ALK: variants seen among roughly 807,000 people sequenced by gnomAD.
The protein encoded by ALK is ALK tyrosine kinase receptor.
ALK carries 74 observed loss-of-function variants against 163.1 expected under a neutral mutation model. The observed-to-expected ratio is 0.45, with a 90% confidence interval of 0.38 to 0.55. ALK has a LOEUF of 0.55. ALK is among the 20% of genes least tolerant of loss of function. The pLI, the probability that ALK is intolerant of heterozygous loss-of-function variation, is 0.00. For synonymous variants in ALK, 960 were observed against 843.2 expected (o/e 1.14, Z -2.40); for missense variants, 2,063 against 2,105.3 (o/e 0.98, Z 0.39).
chr2:29,490,887 A>C (rs72794449), intron 4 of ALK, among the ~76,000 whole-genome samples: 10,706 of 152,316 alleles, frequency 0.07, 530 homozygotes, highest in Non-Finnish European at 0.11. Context: ...AGATGTCTGC[A>C]ACAGCTGTCA....
intron 2 of ALK, among the ~76,000 whole-genome samples, chr2:29,711,276 C>T (rs1679094148): frequency 6.6e-6 from 1 of 152,168 alleles, no homozygotes. Flanking sequence ...TTTGCACATG[C>T]ATCCCTTTTG....
At chr2:29,499,547 G>GA (rs1478024113) in intron 4 of ALK, among the ~76,000 whole-genome samples, 1 of 152,020 alleles carries the variant, frequency 6.6e-6, no homozygotes, top group Non-Finnish European at 1.5e-5. Context: ...ACAAATACTC[G>GA]AAGTTCAGAT....
intron 22 of ALK, 181 bp from the exon 23 acceptor site, chr2:29,221,016 G>C (rs953455567): frequency 4.8e-6 from 4 of 830,480 alleles, no homozygotes; most frequent in South Asian, 1.4e-5. Flanking sequence ...TGGTGAGCAG[G>C]TGGGAAGAAC....
intron 13 of ALK, among the ~76,000 whole-genome samples, chr2:29,233,945 G>A (rs556035642): frequency 6.6e-6 from 1 of 152,336 alleles, no homozygotes; most frequent in Non-Finnish European, 1.5e-5. Context: ...ATTGCTGTGA[G>A]GACTGCTTGT....
At chr2:29,817,593 C>G (rs868203819) in intron 1 of ALK, among the ~76,000 whole-genome samples, 1 of 152,136 alleles carries the variant, frequency 6.6e-6, no homozygotes, top group Admixed American at 6.6e-5. Flanking sequence ...CCAAATTCTT[C>G]TCCACTACCA....
At chr2:29,366,937 G>T (rs572847372) in intron 5 of ALK, among the ~76,000 whole-genome samples, 2 of 152,116 alleles carry the variant, frequency 1.3e-5, no homozygotes, top group African/African-American at 4.8e-5. Flanking sequence ...GCTCCTGAAG[G>T]TCCTTTCCAA....
intron 11 of ALK, among the ~76,000 whole-genome samples, chr2:29,253,844 TTA>T (rs1664881875): frequency 7.0e-6 from 1 of 143,490 alleles, no homozygotes; most frequent in African/African-American, 2.8e-5. Context: ...TATATCTATA[TTA>T]GATAGATAGA....
chr2:29,425,712 G>A (rs1670120710), intron 4 of ALK, among the ~76,000 whole-genome samples: 1 of 152,196 alleles, frequency 6.6e-6, no homozygotes, highest in Non-Finnish European at 1.5e-5. Flanking sequence ...TGCCCAGGGA[G>A]AGAAGAAGGC....
At chr2:29,501,071 T>C (rs1672162331) in intron 4 of ALK, among the ~76,000 whole-genome samples, 1 of 152,038 alleles carries the variant, frequency 6.6e-6, no homozygotes, top group African/African-American at 2.4e-5. Context: ...ACACCTCTCT[T>C]CTCTCATCTT....
chr2:29,210,696 A>C (rs894639301), intron 24 of ALK, among the ~76,000 whole-genome samples: 6 of 152,154 alleles, frequency 3.9e-5, no homozygotes, highest in Admixed American at 2.6e-4. Context: ...GGCCTCCCAA[A>C]GTTATTATTA....
intron 1 of ALK, among the ~76,000 whole-genome samples, chr2:29,915,022 T>C (rs193282920): frequency 1.1e-3 from 163 of 152,306 alleles, no homozygotes; most frequent in Non-Finnish European, 2.0e-3. Context: ...TGAACATGCT[T>C]TATAAATTGT....
At chr2:29,691,254 C>T (rs1678387158) in intron 3 of ALK, among the ~76,000 whole-genome samples, 1 of 152,178 alleles carries the variant, frequency 6.6e-6, no homozygotes, top group Non-Finnish European at 1.5e-5. Context: ...GGAGGCTGAC[C>T]TCCTCATTTC....
intron 1 of ALK, among the ~76,000 whole-genome samples, chr2:29,788,954 C>A (rs2148355937): frequency 6.6e-6 from 1 of 151,316 alleles, no homozygotes; most frequent in Non-Finnish European, 1.5e-5. Context: ...TTCCTTCCAC[C>A]ACCAACTTTA....
intron 3 of ALK, among the ~76,000 whole-genome samples, chr2:29,686,492 T>A (rs907360304): frequency 6.6e-6 from 1 of 152,230 alleles, no homozygotes; most frequent in Non-Finnish European, 1.5e-5. Flanking sequence ...TGCCTAAGCC[T>A]TGCCTTAGAG....
chr2:29,809,258 G>C (rs1423863106), intron 1 of ALK, among the ~76,000 whole-genome samples: 2 of 152,230 alleles, frequency 1.3e-5, no homozygotes, highest in Admixed American at 6.5e-5. Context: ...TGTGCCACAT[G>C]TTGTACTTGG....
chr2:29,548,199 C>A (rs1039650332), intron 3 of ALK, among the ~76,000 whole-genome samples: 1 of 152,096 alleles, frequency 6.6e-6, no homozygotes, highest in African/African-American at 2.4e-5. Context: ...CACAGCCGAG[C>A]GCGGTGGCTC....
rs1314893603 is a variant in ALK at position 29,225,492 on chromosome 2, G to T, written c.3141C>A (p.Ala1047=). The T allele has an allele frequency of 2.5e-6, 4 of 1,613,458 alleles. No individual in the cohort carries two copies. The highest frequency in any genetic ancestry group is 3.4e-6 in the Non-Finnish European group (4 of 1,179,958). ...LSVVTSALVA[A]LVLAFSGIMI... is the part of the protein sequence containing the mutation. ...TGATGCCGGAGAAAGCCAGGACCAGGGCGGCCACGAGGGCAGAGGTCACCA... is the reference window on the plus strand; with the variant it reads ...TGATGCCGGAGAAAGCCAGGACCAGTGCGGCCACGAGGGCAGAGGTCACCA... The change falls in exon 19 of 29, where the codon GCC becomes GCA. Residue 1047 remains alanine, a synonymous_variant. Transcript: ENST00000389048.
At chr2:29,312,483 G>A (rs992960193) in intron 8 of ALK, among the ~76,000 whole-genome samples, 1 of 152,102 alleles carries the variant, frequency 6.6e-6, no homozygotes. Flanking sequence ...CTTTTGCACT[G>A]GCCCCACATG....
intron 3 of ALK, among the ~76,000 whole-genome samples, chr2:29,603,155 A>T (rs1675425163): frequency 1.3e-5 from 2 of 152,204 alleles, no homozygotes; most frequent in African/African-American, 4.8e-5. Context: ...GGTTCTTATT[A>T]TGAAGATGAA....
Sources: gnomAD v4.1 joint callset for allele counts (sites outside exome capture counted in the v4.1 genomes callset) on GRCh38, gnomAD v4.1.1 for gene constraint, MANE v1.5 for transcripts, NCBI Gene and HGNC (gene_info 2026-07-23, HGNC 2026-07-21) for gene names.